RBFOX1: variants seen among roughly 807,000 people sequenced by gnomAD.
RBFOX1 encodes the protein RNA binding fox-1 homolog 1, also known as RNA binding protein fox-1 homolog 1.
Under a neutral mutation model 57.7 loss-of-function variants are expected in RBFOX1, and 8 were observed. The ratio of observed to expected loss-of-function variants is 0.14; its 90% CI spans 0.08 to 0.25. The LOEUF (loss-of-function observed/expected upper bound fraction) is 0.25, where lower values mean the gene tolerates loss of function less well. Ranked by LOEUF, RBFOX1 falls within the 10% of genes least tolerant of loss-of-function variation. The pLI is 1.00. For synonymous variants in RBFOX1, 326 were observed against 222.4 expected, an observed-to-expected ratio of 1.47 and a Z score of -4.15; for missense variants, 611 against 548.5, an observed-to-expected ratio of 1.11 and a Z score of -1.14.
chr16:7,278,286 A>G lies in RBFOX1; in HGVS notation c.27+226188A>G, dbSNP rs151314024. Among the ~76,000 whole-genome samples, 70 of 152,308 alleles carry G rather than the reference A, an allele frequency of 4.6e-4. No individual in the cohort carries two copies. The Middle Eastern group carries it at 0.02, about 44-fold the overall frequency. The stretch of plus-strand genomic sequence containing the variant: ...TTGCAAGTATACCAGCTAATTAGAC[A>G]TGTGTTCCGTAATGCTTAAAGAGAG... On this transcript the variant is annotated intron_variant, in intron 4 of 15. Transcript: ENST00000550418.
chr16:6,387,168 G>A (rs1467832615), intron 2 of RBFOX1, among the ~76,000 whole-genome samples: 1 of 152,096 alleles, frequency 6.6e-6, no homozygotes, highest in Non-Finnish European at 1.5e-5. Flanking sequence ...ATGAAGCGTT[G>A]GCCTTGAGAA....
intron 1 of RBFOX1, among the ~76,000 whole-genome samples, chr16:5,317,201 C>T (rs1195959677): frequency 6.6e-6 from 1 of 152,150 alleles, no homozygotes; most frequent in African/African-American, 2.4e-5. Flanking sequence ...TTTCTTCTCT[C>T]TCTCTCTCTC....
intron 1 of RBFOX1, among the ~76,000 whole-genome samples, chr16:6,183,549 C>T (rs1226292369): frequency 3.3e-5 from 5 of 151,280 alleles, no homozygotes; most frequent in South Asian, 4.2e-4. Context: ...AGGATATGTT[C>T]GATTGGGTAA....
intron 1 of RBFOX1, among the ~76,000 whole-genome samples, chr16:6,274,008 C>T (rs1424858446): frequency 1.3e-5 from 2 of 152,166 alleles, no homozygotes; most frequent in African/African-American, 2.4e-5. Context: ...TCAGTGCACA[C>T]CTATCAGAAG....
chr16:6,049,956 G>GTTT (rs3048284), intron 1 of RBFOX1, among the ~76,000 whole-genome samples: 1,592 of 135,172 alleles, frequency 0.012, 30 homozygotes, highest in Non-Finnish European at 0.016. Flanking sequence ...AGCTTAAAAC[G>GTTT]TTTTTTTTTT....
At chr16:5,242,021 G>C (rs1173737155) in intron 1 of RBFOX1, among the ~76,000 whole-genome samples, 5 of 152,046 alleles carry the variant, frequency 3.3e-5, no homozygotes, top group African/African-American at 1.2e-4. Context: ...AGGCTGAGGT[G>C]GGAGGATTGC....
At chr16:5,307,311 C>G (rs372166639) in intron 1 of RBFOX1, among the ~76,000 whole-genome samples, 1 of 152,192 alleles carries the variant, frequency 6.6e-6, no homozygotes, top group African/African-American at 2.4e-5. Flanking sequence ...TTTTACTTCT[C>G]TTGAATCTGC....
chr16:6,124,367 G>C (rs889210825), intron 1 of RBFOX1, among the ~76,000 whole-genome samples: 6 of 152,134 alleles, frequency 3.9e-5, no homozygotes, highest in Non-Finnish European at 5.9e-5. Context: ...TCTGCTATTG[G>C]AGTCATTGCC....
At chr16:6,726,185 T>C (rs1322848066) in intron 3 of RBFOX1, among the ~76,000 whole-genome samples, 1 of 152,104 alleles carries the variant, frequency 6.6e-6, no homozygotes, top group Non-Finnish European at 1.5e-5. Flanking sequence ...GTTTCATGCA[T>C]AGCAAGATCT....
intron 1 of RBFOX1, among the ~76,000 whole-genome samples, chr16:5,273,838 A>G (rs2063076494): frequency 2.0e-5 from 3 of 152,160 alleles, no homozygotes; most frequent in Admixed American, 6.5e-5. Context: ...CTGGCTTTCC[A>G]ACAGTGTGTG....
At chr16:5,905,881 C>A (rs964151916) in intron 4 of RBFOX1, among the ~76,000 whole-genome samples, 1 of 152,196 alleles carries the variant, frequency 6.6e-6, no homozygotes, top group African/African-American at 2.4e-5. Flanking sequence ...CCTAATTTCC[C>A]TCTTTAGAAT....
At chr16:7,456,677 G>C (rs989496141) in intron 4 of RBFOX1, among the ~76,000 whole-genome samples, 8 of 152,060 alleles carry the variant, frequency 5.3e-5, no homozygotes, top group Admixed American at 5.2e-4. Flanking sequence ...ATCACCCAAC[G>C]GTCTTCCTGG....
At position 5,357,490 on chromosome 16, in the gene RBFOX1, G is replaced by C. The variant is rs12598776; in HGVS notation, c.220-109726G>C. Among the ~76,000 whole-genome samples, 14 of 152,350 alleles carry C rather than the reference G, an allele frequency of 9.2e-5. No individual in the cohort carries two copies. In the East Asian group the frequency reaches 2.7e-3, roughly 29 times the overall value. ...GTCCCACAGGGAAGAGCCACACAGA[G>C]AAGACTTCAGGATTCCCCACCAGAA... On this transcript the variant is annotated intron_variant, in intron 1 of 2. Transcript: ENST00000585867.
intron 2 of RBFOX1, among the ~76,000 whole-genome samples, chr16:5,548,877 A>G (rs2045341639): frequency 6.6e-6 from 1 of 152,188 alleles, no homozygotes; most frequent in Non-Finnish European, 1.5e-5. Flanking sequence ...GATGAGGAAG[A>G]AGATGGAAGG....
At chr16:7,239,717 G>A (rs2093959199) in intron 4 of RBFOX1, among the ~76,000 whole-genome samples, 1 of 152,148 alleles carries the variant, frequency 6.6e-6, no homozygotes, top group Non-Finnish European at 1.5e-5. Context: ...TAGGCAGTTA[G>A]CTGGTTAGAA....
At chr16:6,319,724 G>A (rs985388350) in intron 2 of RBFOX1, among the ~76,000 whole-genome samples, 1 of 152,146 alleles carries the variant, frequency 6.6e-6, no homozygotes, top group African/African-American at 2.4e-5. Context: ...TCCCTTTGTT[G>A]TTATCTGTGT....
In RBFOX1 at chr16:6,260,731, A is replaced by G. The variant is rs116722459; in HGVS notation, c.-126-56264A>G. Among the ~76,000 whole-genome samples the G allele has an allele frequency of 5.3e-5, 8 of 152,140 alleles. No homozygotes were observed. The South Asian group carries it at 1.5e-3, about 28-fold the overall frequency. The stretch of plus-strand genomic sequence containing the variant: ...CATCTGTACTACTGATAATACAAAA[A>G]TGAGCCAGGCGTGGTTGTGCACACC... On this transcript the variant is annotated intron_variant, in intron 1 of 15. Coordinates refer to ENST00000550418, the MANE Select transcript of RBFOX1 (RefSeq NM_018723.4).
At chr16:6,144,390 A>C (rs2152708183) in intron 1 of RBFOX1, among the ~76,000 whole-genome samples, 1 of 152,252 alleles carries the variant, frequency 6.6e-6, no homozygotes, top group East Asian at 1.9e-4. Context: ...CATTCTCCTC[A>C]AGTACCTTTT....
intron 4 of RBFOX1, among the ~76,000 whole-genome samples, chr16:7,239,556 T>A (rs1485816271): frequency 6.6e-6 from 1 of 152,066 alleles, no homozygotes; most frequent in Admixed American, 6.6e-5. Context: ...ACAAGTGAAA[T>A]TGTCCTGTCA....
Sources: gnomAD v4.1 joint callset for allele counts (sites outside exome capture counted in the v4.1 genomes callset) on GRCh38, gnomAD v4.1.1 for gene constraint, MANE v1.5 for transcripts, NCBI Gene and HGNC (gene_info 2026-07-23, HGNC 2026-07-21) for gene names.